The following THSD4 variants were observed in gnomAD, a reference collection of about 807,000 sequenced individuals.
The protein encoded by THSD4 is thrombospondin type-1 domain-containing protein 4.
THSD4 carries 69 observed loss-of-function variants against 119.0 expected under a neutral mutation model. That is an observed-to-expected ratio of 0.58 (90% confidence interval 0.48 to 0.71). THSD4 has a LOEUF of 0.71. THSD4 is among the 30% of genes least tolerant of loss of function. The pLI is 0.00. For synonymous variants in THSD4, 524 were observed against 540.4 expected, an observed-to-expected ratio of 0.97 and a Z score of 0.42; for missense variants, 1,393 against 1,391.1, an observed-to-expected ratio of 1.00 and a Z score of -0.02.
At chr15:71,695,916 G>A (rs2052156432) in intron 8 of THSD4, among the ~76,000 whole-genome samples, 1 of 152,098 alleles carries the variant, frequency 6.6e-6, no homozygotes, top group African/African-American at 2.4e-5. Context: ...AGTGTGTGTT[G>A]GGCAAGTTAC....
intron 4 of THSD4, among the ~76,000 whole-genome samples, chr15:71,219,904 C>T (rs570557307): frequency 1.3e-5 from 2 of 152,290 alleles, no homozygotes; most frequent in South Asian, 4.1e-4. Flanking sequence ...GAAAATGAAG[C>T]TGCTGACTTC....
intron 6 of THSD4, among the ~76,000 whole-genome samples, chr15:71,403,103 G>T (rs748293873): frequency 6.6e-5 from 10 of 152,066 alleles, no homozygotes; most frequent in Non-Finnish European, 1.5e-4. Flanking sequence ...CTAGTGTACA[G>T]CTGTCTTGTT....
At chr15:71,591,509 G>A (rs1031461046) in intron 7 of THSD4, among the ~76,000 whole-genome samples, 6 of 152,224 alleles carry the variant, frequency 3.9e-5, no homozygotes, top group Non-Finnish European at 1.5e-5. Flanking sequence ...TAGAGGAGCA[G>A]ATCATCCCCT....
chr15:71,136,642 A>C (rs979253103), intron 1 of THSD4, among the ~76,000 whole-genome samples: 3 of 142,180 alleles, frequency 2.1e-5, no homozygotes, highest in Non-Finnish European at 4.6e-5. Flanking sequence ...AGGCTGCGGG[A>C]GTTCCAGAGG....
At chr15:71,144,890 C>A (rs895940771) in intron 2 of THSD4, among the ~76,000 whole-genome samples, 1 of 152,062 alleles carries the variant, frequency 6.6e-6, no homozygotes, top group Non-Finnish European at 1.5e-5. Flanking sequence ...CCATGTGGAC[C>A]AAAGTGTAGG....
chr15:71,122,189 A>C (rs1358512365), intron 1 of THSD4, among the ~76,000 whole-genome samples: 3 of 152,102 alleles, frequency 2.0e-5, no homozygotes, highest in Non-Finnish European at 4.4e-5. Context: ...TGGTCAGCTA[A>C]GCGGGGAGGA....
intron 5 of THSD4, among the ~76,000 whole-genome samples, chr15:71,248,114 T>C (rs1216036570): frequency 6.6e-6 from 1 of 152,106 alleles, no homozygotes; most frequent in Non-Finnish European, 1.5e-5. Context: ...ACCTTGTCTC[T>C]ACAAAAAATT....
At chr15:71,594,265 A>G (rs375593506) in intron 7 of THSD4, among the ~76,000 whole-genome samples, 3 of 151,278 alleles carry the variant, frequency 2.0e-5, no homozygotes, top group African/African-American at 7.3e-5. Context: ...CTGGAGTGCA[A>G]TGGCACGATC....
chr15:71,320,602 A>G (rs1221787408), intron 6 of THSD4, among the ~76,000 whole-genome samples: 3 of 152,238 alleles, frequency 2.0e-5, no homozygotes, highest in East Asian at 1.9e-4. Flanking sequence ...AAAAGATCCA[A>G]GTAGCCCAAG....
chr15:71,694,373 T>G (rs903548108), intron 8 of THSD4, among the ~76,000 whole-genome samples: 1 of 152,242 alleles, frequency 6.6e-6, no homozygotes, highest in Non-Finnish European at 1.5e-5. Flanking sequence ...CTCTGATGAC[T>G]TTTAATAAAG....
At chr15:71,101,031 AAAAT>A (rs1472309010) in intron 1 of THSD4, among the ~76,000 whole-genome samples, 2 of 151,964 alleles carry the variant, frequency 1.3e-5, no homozygotes, top group Non-Finnish European at 2.9e-5. Context: ...AAAATAAAAT[AAAAT>A]AAAATTGATA....
At chr15:71,719,352 GA>G (rs370378311) in intron 8 of THSD4, among the ~76,000 whole-genome samples, 3,056 of 151,948 alleles carry the variant, frequency 0.02, 101 homozygotes, top group African/African-American at 0.07. Flanking sequence ...GAATCTGACT[GA>G]AAAAAAATTA....
chr15:71,688,705 C>CTGTG (rs1445931183), intron 8 of THSD4, among the ~76,000 whole-genome samples: 8 of 86,086 alleles, frequency 9.3e-5, no homozygotes, highest in Admixed American at 3.4e-4. Context: ...TGTTTTGTAT[C>CTGTG]TCTGTGTGTG....
chr15:71,671,797 T>C (rs1341949263), intron 8 of THSD4, among the ~76,000 whole-genome samples: 1 of 152,202 alleles, frequency 6.6e-6, no homozygotes, highest in Non-Finnish European at 1.5e-5. Context: ...TGGTTGTAGA[T>C]ATGTGGTGTT....
chr15:71,757,742 T>C (rs534916967), intron 14 of THSD4, 160 bp from the exon 15 acceptor site: 3 of 826,990 alleles, frequency 3.6e-6, no homozygotes, highest in East Asian at 5.5e-5. Context: ...CATACTGATA[T>C]CTCATAATGG....
chr15:71,355,072 T>G (rs1281093343), intron 6 of THSD4, among the ~76,000 whole-genome samples: 1 of 152,218 alleles, frequency 6.6e-6, no homozygotes, highest in Non-Finnish European at 1.5e-5. Flanking sequence ...AAAATAACAT[T>G]TGCCTAATGC....
chr15:71,576,741 CT>C (rs1429603995), intron 7 of THSD4, among the ~76,000 whole-genome samples: 4 of 152,084 alleles, frequency 2.6e-5, no homozygotes, highest in Non-Finnish European at 5.9e-5. Flanking sequence ...TTTTAGTATC[CT>C]TTCTAATTTC....
At chr15:71,587,257 G>C (rs2049689853) in intron 7 of THSD4, among the ~76,000 whole-genome samples, 1 of 129,358 alleles carries the variant, frequency 7.7e-6, no homozygotes, top group Non-Finnish European at 1.7e-5. Flanking sequence ...ATTTGACCCA[G>C]CCATCCCATT....
At chr15:71,661,401 A>ATT (rs397797003) in intron 8 of THSD4, among the ~76,000 whole-genome samples, 115 of 149,032 alleles carry the variant, frequency 7.7e-4, no homozygotes, top group Middle Eastern at 3.5e-3. Flanking sequence ...TTATTTATTT[A>ATT]TTTTTTTTTT....
Sources: allele counts gnomAD v4.1 joint callset (sites outside exome capture counted in the v4.1 genomes callset), GRCh38; gene constraint gnomAD v4.1.1; transcripts MANE v1.5; gene names NCBI Gene and HGNC (gene_info 2026-07-23, HGNC 2026-07-21).